The following TMEFF2 variants were observed in gnomAD, a reference collection of about 807,000 sequenced individuals.
TMEFF2 encodes tomoregulin-2.
TMEFF2 carries 28 observed loss-of-function variants against 53.8 expected under a neutral mutation model. The ratio of observed to expected loss-of-function variants is 0.52; its 90% CI spans 0.39 to 0.71. TMEFF2 has a LOEUF of 0.71. Among genes scored for constraint, TMEFF2 ranks in the 30% least tolerant of loss-of-function variants. TMEFF2 has a pLI of 0.00. For synonymous variants in TMEFF2, 162 were observed against 166.3 expected (o/e 0.97, Z 0.20); for missense variants, 353 against 455.2 (o/e 0.78, Z 2.04).
chr2:192,160,657 AG>A (rs1339072503), intron 4 of TMEFF2, among the ~76,000 whole-genome samples: 1 of 152,142 alleles, frequency 6.6e-6, no homozygotes, highest in Non-Finnish European at 1.5e-5. Context: ...TTTGCAATTT[AG>A]GGGACCTTCT....
chr2:191,974,324 G>A (rs935737295), intron 7 of TMEFF2, among the ~76,000 whole-genome samples: 1 of 152,076 alleles, frequency 6.6e-6, no homozygotes, highest in African/African-American at 2.4e-5. Flanking sequence ...TTTCAGTTGA[G>A]TCTGTAGGTA....
intron 9 of TMEFF2, 182 bp from the exon 10 acceptor site, chr2:191,950,589 G>GTCTT: frequency 1.2e-6 from 1 of 855,442 alleles, no homozygotes; most frequent in Non-Finnish European, 1.9e-6. Context: ...CTGTGCAGTT[G>GTCTT]TCTTTAAATT....
intron 6 of TMEFF2, 98 bp downstream of exon 6, chr2:191,998,962 G>T: frequency 7.9e-7 from 1 of 1,263,998 alleles, no homozygotes; most frequent in Non-Finnish European, 1.1e-6. Context: ...CTGCATTTTG[G>T]AAATGGAATA....
chr2:191,958,141 G>T (rs957679106), intron 7 of TMEFF2, among the ~76,000 whole-genome samples: 8 of 152,104 alleles, frequency 5.3e-5, no homozygotes, highest in East Asian at 1.9e-4. Context: ...CAGGGCCGGG[G>T]GCTACACACT....
At chr2:192,036,915 TTTC>T (rs1312987047) in intron 5 of TMEFF2, 2 of 152,228 alleles carry the variant, frequency 1.3e-5, no homozygotes, top group African/African-American at 2.4e-5. Flanking sequence ...AGAACTCTGT[TTTC>T]TTTTTAAAAC....
intron 5 of TMEFF2, among the ~76,000 whole-genome samples, chr2:192,009,519 T>C (rs984973507): frequency 6.6e-6 from 1 of 152,192 alleles, no homozygotes; most frequent in Non-Finnish European, 1.5e-5. Context: ...GTATTAACTC[T>C]TCATAATTAG....
intron 3 of TMEFF2, among the ~76,000 whole-genome samples, chr2:192,181,466 G>T (rs960146437): frequency 6.6e-6 from 1 of 151,564 alleles, no homozygotes; most frequent in Non-Finnish European, 1.5e-5. Flanking sequence ...ATGCATAAAG[G>T]CTTAGGAGTT....
chr2:192,006,447 A>C (rs545542937), intron 5 of TMEFF2, among the ~76,000 whole-genome samples: 1 of 152,324 alleles, frequency 6.6e-6, no homozygotes, highest in South Asian at 2.1e-4. Context: ...ACTGATGGCC[A>C]CATATTGAAA....
At chr2:192,182,447 T>C (rs906085820) in intron 3 of TMEFF2, among the ~76,000 whole-genome samples, 4 of 151,970 alleles carry the variant, frequency 2.6e-5, no homozygotes, top group Admixed American at 6.6e-5. Flanking sequence ...GAAATCTAAG[T>C]ATGTGAATGA....
intron 4 of TMEFF2, among the ~76,000 whole-genome samples, chr2:192,080,087 C>T (rs1688517935): frequency 6.6e-6 from 1 of 152,144 alleles, no homozygotes; most frequent in African/African-American, 2.4e-5. Context: ...GGCATATTAG[C>T]TCACATCAAT....
intron 5 of TMEFF2, among the ~76,000 whole-genome samples, chr2:192,039,297 G>A (rs1185056572): frequency 6.6e-6 from 1 of 152,130 alleles, no homozygotes; most frequent in African/African-American, 2.4e-5. Flanking sequence ...GAACAGAATT[G>A]GTAGTAGGAA....
chr2:192,129,254 G>A (rs1221397782), intron 4 of TMEFF2, among the ~76,000 whole-genome samples: 1 of 151,824 alleles, frequency 6.6e-6, no homozygotes, highest in Non-Finnish European at 1.5e-5. Context: ...TTTTAAAAAT[G>A]TCCACTAACT....
chr2:191,949,581 T>C lies in TMEFF2; in HGVS notation c.*730A>G, dbSNP rs1691807028. 1.0e-6 allele frequency: 1 copy of C among 985,424 alleles called. No homozygotes were observed. The highest frequency in any genetic ancestry group is 1.2e-6 in the Non-Finnish European group (1 of 829,918). The allele number at this position is 985,424 out of a possible 1,614,324, so 61.0% of individuals were successfully genotyped here. ...TATACCTAGTATGTAACTTGTTCAGTAAGTTCAGATATATGCACTTAACTG... is the reference window on the plus strand; with the variant it reads ...TATACCTAGTATGTAACTTGTTCAGCAAGTTCAGATATATGCACTTAACTG... On this transcript the variant is annotated 3_prime_UTR_variant, in exon 10 of 10. Coordinates refer to ENST00000272771, the MANE Select transcript of TMEFF2 (RefSeq NM_016192.4).
intron 7 of TMEFF2, among the ~76,000 whole-genome samples, chr2:191,980,240 C>G (rs1685822865): frequency 6.6e-6 from 1 of 152,140 alleles, no homozygotes; most frequent in South Asian, 2.1e-4. Flanking sequence ...AAATAATACA[C>G]TATTGGCAGA....
At chr2:192,126,830 AAAAAC>A (rs1386989334) in intron 4 of TMEFF2, among the ~76,000 whole-genome samples, 2 of 148,564 alleles carry the variant, frequency 1.3e-5, no homozygotes, top group Admixed American at 6.7e-5. Flanking sequence ...TTCTAACTAC[AAAAAC>A]AAAACAAAAC....
chr2:192,186,427 G>A (rs1346803480), intron 2 of TMEFF2, among the ~76,000 whole-genome samples: 1 of 152,152 alleles, frequency 6.6e-6, no homozygotes, highest in African/African-American at 2.4e-5. Context: ...GGCCAGCAAG[G>A]CAAGTGCAGG....
In TMEFF2 at chr2:192,107,879, T is replaced by C. The variant is rs138792072; in HGVS notation, c.440-50104A>G. Among the ~76,000 whole-genome samples the C allele has an allele frequency of 3.2e-4, 49 of 151,840 alleles. 1 individual carries two copies. The East Asian group carries it at 7.1e-3, about 22-fold the overall frequency. On this transcript the variant is annotated intron_variant, in intron 4 of 9. Coordinates refer to ENST00000272771, the MANE Select transcript of TMEFF2 (RefSeq NM_016192.4). ...AATGGGAAATTAAAAGGTCATCCTATTCATCCTCTATCTGCCTTACAAAAC... is the reference window on the plus strand; with the variant it reads ...AATGGGAAATTAAAAGGTCATCCTACTCATCCTCTATCTGCCTTACAAAAC...
At chr2:192,011,943 G>A (rs1686637041) in intron 5 of TMEFF2, among the ~76,000 whole-genome samples, 1 of 151,988 alleles carries the variant, frequency 6.6e-6, no homozygotes, top group South Asian at 2.1e-4. Flanking sequence ...CTGGAGTGCA[G>A]TGGCGCAGTC....
At chr2:191,977,951 C>T (rs919447435) in intron 7 of TMEFF2, among the ~76,000 whole-genome samples, 1 of 152,182 alleles carries the variant, frequency 6.6e-6, no homozygotes, top group African/African-American at 2.4e-5. Flanking sequence ...CAGCTTTTAT[C>T]ATTAATAACA....
Sources: gnomAD v4.1 joint callset for allele counts (sites outside exome capture counted in the v4.1 genomes callset) on GRCh38, gnomAD v4.1.1 for gene constraint, MANE v1.5 for transcripts, NCBI Gene and HGNC (gene_info 2026-07-23, HGNC 2026-07-21) for gene names.